NAALADL2: variants seen among roughly 807,000 people sequenced by gnomAD.
NAALADL2 encodes the protein inactive N-acetylated-alpha-linked acidic dipeptidase-like protein 2.
A neutral mutation model predicts 87.2 loss-of-function variants in NAALADL2; 76 were observed. That is an observed-to-expected ratio of 0.87 (90% CI 0.72 to 1.05). The LOEUF (loss-of-function observed/expected upper bound fraction) is 1.05, where lower values mean the gene tolerates loss of function less well. Ranked by LOEUF, NAALADL2 falls within the 50% of genes least tolerant of loss-of-function variation. The probability of loss-of-function intolerance (pLI) is 0.00; values close to 1 mark genes in which losing one functional copy is unlikely to be tolerated. For missense variants in NAALADL2, 1,089 were observed against 945.8 expected (o/e 1.15, Z -1.99); for synonymous variants, 354 against 331.0 (o/e 1.07, Z -0.75).
At chr3:175,327,766 T>C (rs568042259) in intron 5 of NAALADL2, among the ~76,000 whole-genome samples, 1 of 152,326 alleles carries the variant, frequency 6.6e-6, no homozygotes, top group East Asian at 1.9e-4. Flanking sequence ...TAAGGTTTGT[T>C]ATGTAGTTCC....
At chr3:174,663,771 T>A (rs1376021818) in intron 2 of NAALADL2, among the ~76,000 whole-genome samples, 1 of 148,252 alleles carries the variant, frequency 6.7e-6, no homozygotes, top group African/African-American at 2.5e-5. Flanking sequence ...ATTTACTATA[T>A]TCACTGGATT....
chr3:175,444,021 G>A (rs186411146), intron 5 of NAALADL2, among the ~76,000 whole-genome samples: 1 of 152,236 alleles, frequency 6.6e-6, no homozygotes, highest in Non-Finnish European at 1.5e-5. Flanking sequence ...AAACATGGGG[G>A]ACGTGGCTCA....
intron 1 of NAALADL2, among the ~76,000 whole-genome samples, chr3:175,090,700 T>A (rs980259290): frequency 6.6e-6 from 1 of 152,174 alleles, no homozygotes; most frequent in African/African-American, 2.4e-5. Flanking sequence ...AGTTTTAGTT[T>A]ATGCTATCCA....
chr3:175,206,897 C>G (rs533337055), intron 2 of NAALADL2, among the ~76,000 whole-genome samples: 8 of 152,068 alleles, frequency 5.3e-5, no homozygotes, highest in African/African-American at 1.9e-4. Flanking sequence ...CTACTCAGGT[C>G]TTTAAAGATT....
At chr3:175,026,296 T>A (rs958737980) in intron 1 of NAALADL2, among the ~76,000 whole-genome samples, 5 of 151,846 alleles carry the variant, frequency 3.3e-5, no homozygotes, top group African/African-American at 1.2e-4. Flanking sequence ...GTAAAATGTT[T>A]GAAGATGGAA....
chr3:174,747,506 C>T (rs2109026444), intron 3 of NAALADL2, among the ~76,000 whole-genome samples: 1 of 149,998 alleles, frequency 6.7e-6, no homozygotes, highest in South Asian at 2.1e-4. Flanking sequence ...CCTGTAATCC[C>T]ATTTACTCAG....
chr3:174,875,146 C>T (rs1042362961), intron 1 of NAALADL2, among the ~76,000 whole-genome samples: 10 of 137,528 alleles, frequency 7.3e-5, no homozygotes, highest in Admixed American at 5.1e-4. Context: ...AAAAAAATCA[C>T]GATTGGCGAA....
intron 5 of NAALADL2, among the ~76,000 whole-genome samples, chr3:175,409,338 A>G (rs1021315865): frequency 2.2e-4 from 33 of 151,908 alleles, no homozygotes; most frequent in Admixed American, 5.2e-4. Context: ...TACTTGTGGC[A>G]AAAGTTGTCC....
chr3:175,077,606 C>T lies in NAALADL2; in HGVS notation c.44-19184C>T, dbSNP rs1716858107. 3.3e-5 allele frequency among the ~76,000 whole-genome samples: 5 copies of T among 151,904 alleles called. No individual in the cohort carries two copies. In the South Asian group the frequency reaches 1.0e-3, roughly 31 times the overall value. On this transcript the variant is annotated intron_variant, in intron 1 of 13. Coordinates refer to ENST00000454872, the MANE Select transcript of NAALADL2 (RefSeq NM_207015.3). ...GAGCTTTTTAATATATTTACCATTC[C>T]ATTAGCATTATTAAACAGAAGTATA...
chr3:175,332,440 A>G (rs970355693), intron 5 of NAALADL2, among the ~76,000 whole-genome samples: 4 of 152,154 alleles, frequency 2.6e-5, no homozygotes, highest in African/African-American at 9.7e-5. Flanking sequence ...AGCTGGGACC[A>G]AAGGGATGTG....
Position 175,791,923 on chromosome 3 carries a change from A to AG in NAALADL2, c.2190-11082_2190-11081insG, listed in dbSNP as rs901328799. On this transcript the variant is annotated intron_variant, in intron 13 of 13. Transcript: ENST00000454872. Reference sequence around the variant, plus strand: ...AGAGTTCCCAAAGCAAAAAAAAAAAACAACCCTGATATTTCTACTATTTAC... The same window carrying AG: ...AGAGTTCCCAAAGCAAAAAAAAAAAAGCAACCCTGATATTTCTACTATTTAC... Among the ~76,000 whole-genome samples the AG allele has an allele frequency of 4.0e-5, 6 of 151,542 alleles. No homozygotes were observed. In the East Asian group the frequency reaches 5.8e-4, roughly 15 times the overall value.
intron 6 of NAALADL2, among the ~76,000 whole-genome samples, chr3:175,450,921 T>G (rs1182664767): frequency 2.0e-5 from 3 of 152,136 alleles, no homozygotes; most frequent in Non-Finnish European, 4.4e-5. Context: ...GATCTTTCTC[T>G]AGCCATCTTA....
chr3:175,500,412 G>C (rs1053513750), intron 9 of NAALADL2, among the ~76,000 whole-genome samples: 4 of 151,944 alleles, frequency 2.6e-5, no homozygotes, highest in African/African-American at 7.2e-5. Flanking sequence ...CACAGAAGTA[G>C]AAACATGGAT....
intron 12 of NAALADL2, among the ~76,000 whole-genome samples, chr3:175,742,689 G>A (rs978963704): frequency 2.0e-5 from 3 of 152,140 alleles, no homozygotes; most frequent in South Asian, 2.1e-4. Context: ...GAGCCACCGC[G>A]CCCGGCCCTA....
intron 2 of NAALADL2, among the ~76,000 whole-genome samples, chr3:174,607,872 A>T (rs909288473): frequency 6.6e-6 from 1 of 151,846 alleles, no homozygotes; most frequent in East Asian, 1.9e-4. Flanking sequence ...CATTTTTTTC[A>T]GCACCACACC....
chr3:175,765,643 T>G (rs1401901122), intron 13 of NAALADL2, among the ~76,000 whole-genome samples: 4 of 152,128 alleles, frequency 2.6e-5, no homozygotes, highest in Admixed American at 1.3e-4. Context: ...TATTCTCATT[T>G]AAAGTGAGAA....
intron 10 of NAALADL2, among the ~76,000 whole-genome samples, chr3:175,576,566 T>C (rs747755535): frequency 1.3e-5 from 2 of 152,208 alleles, no homozygotes; most frequent in East Asian, 1.9e-4. Flanking sequence ...ATGGTCTGTA[T>C]GTTAATGTGA....
chr3:174,802,953 C>T lies in NAALADL2; in HGVS notation c.-9+65207C>T, dbSNP rs376834745. Among the ~76,000 whole-genome samples, 65 of 152,094 alleles carry T rather than the reference C, an allele frequency of 4.3e-4. 2 individuals carry two copies. In the South Asian group the frequency reaches 0.012, roughly 29 times the overall value. On this transcript the variant is annotated intron_variant, in intron 3 of 3. Coordinates refer to the NAALADL2 transcript ENST00000434257. ...TGCACAATAAACATATGTGTGCATG[C>T]GTCTTTATAGTAGCATGATTTGTAA... is the stretch of plus-strand genomic sequence containing the variant.
At chr3:174,628,081 A>T (rs1376326443) in intron 2 of NAALADL2, among the ~76,000 whole-genome samples, 1 of 152,204 alleles carries the variant, frequency 6.6e-6, no homozygotes, top group Non-Finnish European at 1.5e-5. Context: ...GTACCCCTAA[A>T]TCTACAAAAA....
Sources: gnomAD v4.1 joint callset for allele counts (sites outside exome capture counted in the v4.1 genomes callset) on GRCh38, gnomAD v4.1.1 for gene constraint, MANE v1.5 for transcripts, NCBI Gene and HGNC (gene_info 2026-07-23, HGNC 2026-07-21) for gene names.